CHIC1: variants seen among roughly 807,000 people sequenced by gnomAD.
CHIC1 encodes the protein cysteine-rich hydrophobic domain-containing protein 1.
In CHIC1, 7 loss-of-function variants were observed where a neutral mutation model predicts 18.5. The observed-to-expected ratio is 0.38, with a 90% CI of 0.22 to 0.71. The LOEUF (loss-of-function observed/expected upper bound fraction) is 0.71. CHIC1 is among the 30% of genes least tolerant of loss of function. CHIC1 has a pLI of 0.49. For synonymous variants in CHIC1, 77 were observed against 73.5 expected (o/e 1.05, Z -0.25); for missense variants, 159 against 176.9 (o/e 0.90, Z 0.57).
intron 1 of CHIC1, among the ~76,000 whole-genome samples, chrX:73,570,845 G>A (rs919365214): frequency 2.7e-5 from 3 of 110,964 alleles, no homozygotes; most frequent in African/African-American, 9.8e-5. Context: ...GAAAGAATGG[G>A]AATGTTAGGA....
chrX:73,585,274 A>G (rs1366803200), intron 3 of CHIC1, among the ~76,000 whole-genome samples: 1 of 111,753 alleles, frequency 8.9e-6, no homozygotes, highest in Non-Finnish European at 1.9e-5. Flanking sequence ...TTAGTGGTGC[A>G]GTTATTTTAT....
chrX:73,639,034 A>G (rs777145967), intron 3 of CHIC1, among the ~76,000 whole-genome samples: 5 of 111,841 alleles, frequency 4.5e-5, no homozygotes, highest in African/African-American at 1.3e-4. Flanking sequence ...TCCTTTGGGT[A>G]TATACCCAGT....
At chrX:73,671,056 T>G (rs928460711) in intron 3 of CHIC1, among the ~76,000 whole-genome samples, 2 of 112,164 alleles carry the variant, frequency 1.8e-5, no homozygotes, top group Admixed American at 1.9e-4. Context: ...GTCTGATGTT[T>G]GTTTTTTAAG....
intron 3 of CHIC1, among the ~76,000 whole-genome samples, chrX:73,629,300 G>A (rs2057797262): frequency 9.0e-6 from 1 of 111,163 alleles, no homozygotes; most frequent in African/African-American, 3.3e-5. Flanking sequence ...CTGTGCAGAG[G>A]CTTTTTAGTT....
chrX:73,640,541 GT>G (rs2057850652), intron 3 of CHIC1, among the ~76,000 whole-genome samples: 2 of 111,352 alleles, frequency 1.8e-5, no homozygotes, highest in Admixed American at 9.5e-5. Flanking sequence ...CTTGTTATTA[GT>G]TAGTTCAGGG....
chrX:73,584,920 T>G (rs2057545838), intron 3 of CHIC1, among the ~76,000 whole-genome samples: 1 of 111,760 alleles, frequency 8.9e-6, no homozygotes, highest in African/African-American at 3.2e-5. Flanking sequence ...GCTTCTGATC[T>G]GAAGAAAGGC....
chrX:73,645,671 G>A, intron 3 of CHIC1, among the ~76,000 whole-genome samples: 1 of 111,584 alleles, frequency 9.0e-6, no homozygotes, highest in Non-Finnish European at 1.9e-5. Context: ...GTGATGTTGA[G>A]CACCTTTTTA....
chrX:73,677,090 G>A (rs1032656910), intron 3 of CHIC1, among the ~76,000 whole-genome samples: 1 of 111,441 alleles, frequency 9.0e-6, no homozygotes, highest in Non-Finnish European at 1.9e-5. Flanking sequence ...CGTTCCTCTG[G>A]AAGTTTTGTC....
At chrX:73,644,980 C>G (rs1387836301) in intron 3 of CHIC1, among the ~76,000 whole-genome samples, 1 of 112,391 alleles carries the variant, frequency 8.9e-6, no homozygotes, top group Non-Finnish European at 1.9e-5. Flanking sequence ...ACCCACTGTC[C>G]TGCACCCACT....
chrX:73,646,976 T>C (rs1420794594), intron 3 of CHIC1, among the ~76,000 whole-genome samples: 1 of 112,246 alleles, frequency 8.9e-6, no homozygotes, highest in East Asian at 2.8e-4. Context: ...GATTTTTGTA[T>C]ATGGTGAGAG....
At chrX:73,623,192 A>G (rs915448750) in intron 3 of CHIC1, among the ~76,000 whole-genome samples, 1 of 110,919 alleles carries the variant, frequency 9.0e-6, no homozygotes, top group African/African-American at 3.3e-5. Context: ...TTAAATGTCT[A>G]TTAGTTCTGC....
chrX:73,575,768 T>C (rs1002214292), intron 1 of CHIC1, among the ~76,000 whole-genome samples: 1 of 109,943 alleles, frequency 9.1e-6, no homozygotes, highest in Admixed American at 9.7e-5. Context: ...AAATACCATA[T>C]ACTTAGGCTA....
chrX:73,648,550 C>T (rs2057900443), intron 3 of CHIC1, among the ~76,000 whole-genome samples: 3 of 111,738 alleles, frequency 2.7e-5, no homozygotes, highest in African/African-American at 9.8e-5. Context: ...AAACACACAG[C>T]ACAAGAACTT....
chrX:73,651,460 G>A (rs2057915952), intron 3 of CHIC1, among the ~76,000 whole-genome samples: 1 of 111,125 alleles, frequency 9.0e-6, no homozygotes, highest in South Asian at 3.8e-4. Flanking sequence ...CAGATGACAC[G>A]ATTGTATATT....
At chrX:73,638,060 G>A in intron 3 of CHIC1, among the ~76,000 whole-genome samples, 1 of 111,899 alleles carries the variant, frequency 8.9e-6, no homozygotes, top group Non-Finnish European at 1.9e-5. Context: ...GAGATGAAAA[G>A]CTAAGATCTT....
intron 3 of CHIC1, among the ~76,000 whole-genome samples, chrX:73,606,199 C>G (rs2057682928): frequency 9.4e-6 from 1 of 106,839 alleles, no homozygotes; most frequent in Admixed American, 1.0e-4. Flanking sequence ...TCTTTTTTCT[C>G]TAATCTTGTC....
At chrX:73,567,916 T>A (rs1384001245) in intron 1 of CHIC1, among the ~76,000 whole-genome samples, 12 of 110,582 alleles carry the variant, frequency 1.1e-4, no homozygotes, top group African/African-American at 4.0e-4. Context: ...TGTCACCACC[T>A]TCTGCAAGTC....
chrX:73,579,559 C>G (rs1193135011), intron 2 of CHIC1, among the ~76,000 whole-genome samples: 2 of 110,522 alleles, frequency 1.8e-5, no homozygotes, highest in Non-Finnish European at 3.8e-5. Context: ...TTGACCTTTT[C>G]TGTCTCTCCT....
At chrX:73,632,577 A>AT (rs1381811004) in intron 3 of CHIC1, among the ~76,000 whole-genome samples, 2 of 105,395 alleles carry the variant, frequency 1.9e-5, no homozygotes, top group East Asian at 3.1e-4. Flanking sequence ...GTATGCTTTT[A>AT]TTTTTTTTCT....
Sources: gnomAD v4.1 joint callset for allele counts (sites outside exome capture counted in the v4.1 genomes callset) on GRCh38, gnomAD v4.1.1 for gene constraint, MANE v1.5 for transcripts, NCBI Gene and HGNC (gene_info 2026-07-23, HGNC 2026-07-21) for gene names.